Variants in CMTM4 observed in about 807,000 individuals in gnomAD.
CMTM4 encodes the protein CKLF like MARVEL transmembrane domain containing 4, also known as CKLF-like MARVEL transmembrane domain-containing protein 4.
A neutral mutation model predicts 19.0 loss-of-function variants in CMTM4; 8 were observed. That is an observed-to-expected ratio of 0.42 (90% CI 0.25 to 0.76). The LOEUF (loss-of-function observed/expected upper bound fraction) is 0.76. Ranked by LOEUF, CMTM4 falls within the 30% of genes least tolerant of loss-of-function variation. CMTM4 has a pLI of 0.27. For missense variants in CMTM4, 228 were observed against 290.2 expected, an observed-to-expected ratio of 0.79 and a Z score of 1.56; for synonymous variants, 106 against 121.1, an observed-to-expected ratio of 0.88 and a Z score of 0.82.
intron 1 of CMTM4, among the ~76,000 whole-genome samples, chr16:66,667,745 C>G (rs562635659): frequency 1.8e-4 from 27 of 152,074 alleles, no homozygotes; most frequent in Admixed American, 7.2e-4. Flanking sequence ...AAAAATTAGC[C>G]AGGTGTTGTG....
chr16:66,667,261 G>C (rs1596947726), intron 1 of CMTM4, among the ~76,000 whole-genome samples: 1 of 152,194 alleles, frequency 6.6e-6, no homozygotes, highest in East Asian at 1.9e-4. Flanking sequence ...GGAGGCAGAA[G>C]CTACAGTGAG....
In CMTM4 at chr16:66,620,236, A is replaced by C. The variant is rs2015605074; in HGVS notation, c.*1822T>G. On this transcript the variant is annotated 3_prime_UTR_variant, in exon 4 of 4. Coordinates refer to ENST00000394106, the MANE Select transcript of CMTM4 (RefSeq NM_181521.3). ...TATTTTAAAAGGAACTCTCAAAGAG[A>C]GATAAGCCCAATTTTGACTTTGCAA... 4 of 985,410 alleles carry C rather than the reference A, an allele frequency of 4.1e-6. No homozygotes were observed. The South Asian group carries it at 1.9e-4, about 46-fold the overall frequency. The allele number at this position is 985,410 out of a possible 1,614,324, so 61.0% of individuals were successfully genotyped here.
chr16:66,605,347 C>A, the CMTM4 span: 1 of 160,322 alleles, frequency 6.2e-6, no homozygotes, highest in Non-Finnish European at 1.4e-5. The surrounding 1 kb of genome is among the most constrained non-coding windows in gnomAD (Gnocchi z 4.6). Flanking sequence ...GCGGGTAGTG[C>A]GGGCCGGGGC....
chr16:66,613,377 G>A, downstream of CMTM4: 2 of 469,660 alleles, frequency 4.3e-6, no homozygotes, highest in Non-Finnish European at 7.7e-6. Flanking sequence ...ACAGTGTCAT[G>A]GGGAGCTGGG....
chr16:66,657,132 T>C (rs2016412379), intron 1 of CMTM4, among the ~76,000 whole-genome samples: 1 of 150,762 alleles, frequency 6.6e-6, no homozygotes, highest in South Asian at 2.1e-4. Flanking sequence ...TCACCCAGGC[T>C]GGAGTGCAAT....
intron 1 of CMTM4, among the ~76,000 whole-genome samples, chr16:66,667,640 G>A (rs968556236): frequency 2.0e-5 from 3 of 151,922 alleles, no homozygotes; most frequent in African/African-American, 2.4e-5. Context: ...CTGTAACCCC[G>A]GCACTTTGGG....
At chr16:66,612,152 C>T (rs1597212421), downstream of CMTM4, among the ~76,000 whole-genome samples, 2 of 152,176 alleles carry the variant, frequency 1.3e-5, no homozygotes, top group South Asian at 4.1e-4. This position sits in a 1 kb window ranked among gnomAD's most constrained non-coding sequence, Gnocchi z 6.0. Flanking sequence ...CGGTGGCTCA[C>T]GCCTGTTACC....
the CMTM4 span, among the ~76,000 whole-genome samples, chr16:66,602,390 C>G: frequency 6.6e-6 from 1 of 152,098 alleles, no homozygotes; most frequent in Non-Finnish European, 1.5e-5. Context: ...GAGCAAGCCT[C>G]TGTCTCAAGA....
chr16:66,608,595 G>A, the CMTM4 span: 1 of 838,668 alleles, frequency 1.2e-6, no homozygotes, highest in Non-Finnish European at 1.8e-6. The surrounding 1 kb of genome is among the most constrained non-coding windows in gnomAD (Gnocchi z 5.1). Flanking sequence ...GAACTGGATG[G>A]AGAGACCCAG....
rs1449829945 is a variant in CMTM4 at position 66,621,053 on chromosome 16, A to G, written c.*1005T>C. On this transcript the variant is annotated 3_prime_UTR_variant, in exon 4 of 4. Transcript: ENST00000394106. Reference sequence around the variant, plus strand: ...AAGGGTGTGTTCTGGTGCAAATTCAAGTATTTTCAAATCCTAGACGAATCT... The same window carrying G: ...AAGGGTGTGTTCTGGTGCAAATTCAGGTATTTTCAAATCCTAGACGAATCT... The G allele has an allele frequency of 2.0e-6, 2 of 985,794 alleles. No homozygotes were observed. The highest frequency in any genetic ancestry group is 3.5e-5 in the African/African-American group (2 of 57,260). The allele number at this position is 985,794 out of a possible 1,614,324, so 61.1% of individuals were successfully genotyped here.
intron 1 of CMTM4, among the ~76,000 whole-genome samples, chr16:66,677,647 G>A (rs970782596): frequency 3.5e-4 from 53 of 152,142 alleles, no homozygotes; most frequent in Admixed American, 3.1e-3. Context: ...GCCTGACACA[G>A]GCCCTTAAAG....
intron 2 of CMTM4, among the ~76,000 whole-genome samples, chr16:66,633,235 G>A (rs1037238312): frequency 6.6e-6 from 1 of 150,982 alleles, no homozygotes; most frequent in Admixed American, 6.6e-5. Flanking sequence ...TATGCTTGTA[G>A]AAAATTATGC....
intron 1 of CMTM4, among the ~76,000 whole-genome samples, chr16:66,643,888 G>C (rs539924864): frequency 3.3e-5 from 5 of 152,068 alleles, no homozygotes; most frequent in Non-Finnish European, 5.9e-5. Flanking sequence ...CAAGTAGCTG[G>C]GATTACAGGT....
At chr16:66,675,954 T>G (rs1371266636) in intron 1 of CMTM4, among the ~76,000 whole-genome samples, 2 of 151,542 alleles carry the variant, frequency 1.3e-5, no homozygotes, top group Non-Finnish European at 2.9e-5. Context: ...GTACTCCCAG[T>G]CTCCTCGTAC....
At chr16:66,641,691 A>G (rs921561697) in intron 1 of CMTM4, among the ~76,000 whole-genome samples, 2 of 152,196 alleles carry the variant, frequency 1.3e-5, no homozygotes, top group Admixed American at 1.3e-4. Context: ...CTTCTCACCC[A>G]TAAAATTATA....
the CMTM4 span, chr16:66,608,280 T>C: frequency 6.2e-7 from 1 of 1,613,216 alleles, no homozygotes. The surrounding 1 kb of genome is among the most constrained non-coding windows in gnomAD (Gnocchi z 5.1). Flanking sequence ...GAAAAGGCTC[T>C]GACTTCACCT....
chr16:66,600,111 T>TG, the CMTM4 span, among the ~76,000 whole-genome samples: 1 of 148,616 alleles, frequency 6.7e-6, no homozygotes, highest in Non-Finnish European at 1.5e-5. Flanking sequence ...CAGCCATCCT[T>TG]TTGTGTGTGT....
chr16:66,654,142 T>C (rs1567418076), intron 1 of CMTM4, among the ~76,000 whole-genome samples: 1 of 152,198 alleles, frequency 6.6e-6, no homozygotes, highest in Non-Finnish European at 1.5e-5. Flanking sequence ...CCATCACTAT[T>C]ACACAATTAC....
At chr16:66,603,718 C>G in the CMTM4 span, among the ~76,000 whole-genome samples, 4 of 152,148 alleles carry the variant, frequency 2.6e-5, no homozygotes, top group Non-Finnish European at 4.4e-5. Context: ...AGCTCTCCCC[C>G]GGCTGCCCAG....
Sources: gnomAD v4.1 joint callset for allele counts (sites outside exome capture counted in the v4.1 genomes callset) on GRCh38, gnomAD v4.1.1 for gene constraint, Gnocchi (gnomAD v3.1) non-coding constraint, MANE v1.5 for transcripts, NCBI Gene and HGNC (gene_info 2026-07-23, HGNC 2026-07-21) for gene names.